Variants in ATF7IP observed in about 807,000 individuals in gnomAD.
ATF7IP encodes activating transcription factor 7-interacting protein 1.
ATF7IP carries 23 observed loss-of-function variants against 106.4 expected under a neutral mutation model. That is an observed-to-expected ratio of 0.22 (90% CI 0.16 to 0.31). The LOEUF is 0.31. ATF7IP is among the 10% of genes least tolerant of loss of function. ATF7IP has a pLI of 1.00. For missense variants in ATF7IP, 1,334 were observed against 1,524.3 expected (o/e 0.88, Z 2.08); for synonymous variants, 542 against 539.0 (o/e 1.01, Z -0.08).
chr12:14,426,637 G>C (rs1303673067), intron 2 of ATF7IP, among the ~76,000 whole-genome samples: 1 of 150,058 alleles, frequency 6.7e-6, no homozygotes, highest in Admixed American at 6.6e-5. Context: ...GACCAGCCTG[G>C]GCAACATGGT....
intron 5 of ATF7IP, among the ~76,000 whole-genome samples, chr12:14,440,602 G>A (rs944337331): frequency 2.0e-5 from 3 of 151,198 alleles, no homozygotes; most frequent in Non-Finnish European, 4.4e-5. Context: ...TCTTGTTCCA[G>A]TATTTTGTTT....
chr12:14,450,236 T>C (rs910884769), intron 6 of ATF7IP, among the ~76,000 whole-genome samples: 1 of 152,232 alleles, frequency 6.6e-6, no homozygotes, highest in African/African-American at 2.4e-5. Context: ...GCATGCTTGC[T>C]TAATTCCTGA....
At chr12:14,441,677 G>C (rs1396245280) in intron 5 of ATF7IP, among the ~76,000 whole-genome samples, 1 of 151,876 alleles carries the variant, frequency 6.6e-6, no homozygotes, top group Admixed American at 6.6e-5. Context: ...TTTTAGTAGA[G>C]ATGGGGTTTC....
chr12:14,454,969 A>G (rs1414713631), intron 6 of ATF7IP, among the ~76,000 whole-genome samples: 3 of 152,078 alleles, frequency 2.0e-5, no homozygotes, highest in African/African-American at 7.2e-5. Flanking sequence ...ACTTGAGTTC[A>G]GGAGTTCGAG....
intron 5 of ATF7IP, among the ~76,000 whole-genome samples, chr12:14,445,213 A>G (rs1436846606): frequency 6.6e-6 from 1 of 151,416 alleles, no homozygotes; most frequent in Non-Finnish European, 1.5e-5. Flanking sequence ...CTGGTCTTGA[A>G]CTCCAGACCT....
chr12:14,427,711 G>C (rs1941928705), intron 2 of ATF7IP, among the ~76,000 whole-genome samples: 1 of 152,096 alleles, frequency 6.6e-6, no homozygotes, highest in South Asian at 2.1e-4. Flanking sequence ...GCTGAGGCCA[G>C]AAACTTTGGA....
chr12:14,477,972 T>C (rs941465979), intron 11 of ATF7IP, among the ~76,000 whole-genome samples: 4 of 152,202 alleles, frequency 2.6e-5, no homozygotes. Context: ...TTTATAGATA[T>C]TTGTCTAGAA....
chr12:14,433,465 A>G (rs1475495651), intron 2 of ATF7IP, among the ~76,000 whole-genome samples: 1 of 152,110 alleles, frequency 6.6e-6, no homozygotes, highest in Non-Finnish European at 1.5e-5. Flanking sequence ...AGATTGCGCT[A>G]CTGTACACTA....
Position 14,424,775 on chromosome 12 carries a change from G to C in ATF7IP, c.860G>C (p.Arg287Pro), listed in dbSNP as rs148205796. Reference sequence around the variant, plus strand: ...CTGACTTCTGAATCAACCTTTGATCGTACCTTTGAACCAAAGTCTGTACCA... The same window carrying C: ...CTGACTTCTGAATCAACCTTTGATCCTACCTTTGAACCAAAGTCTGTACCA... ...DELTSESTFD[R>P]TFEPKSVPVC... The change falls in exon 2 of 15, where the codon CGT becomes CCT. Residue 287 changes from arginine to proline, a missense_variant. Physicochemically the swap from Arg to Pro is moderately radical, Grantham distance 103. Transcript: ENST00000261168. The C allele has an allele frequency of 6.2e-7, 1 of 1,613,860 alleles. No individual in the cohort carries two copies. Among genetic ancestry groups the C allele is most frequent in the Non-Finnish European group, 8.5e-7 (1 of 1,179,992 alleles).
At chr12:14,422,260 A>G (rs939431703) in intron 1 of ATF7IP, among the ~76,000 whole-genome samples, 1 of 151,896 alleles carries the variant, frequency 6.6e-6, no homozygotes, top group Non-Finnish European at 1.5e-5. Context: ...TCATACTTTA[A>G]TAAGTGAATA....
In ATF7IP at chr12:14,379,313, GC is replaced by G. The variant is rs1477502731; in HGVS notation, c.-8+13491del. Among the ~76,000 whole-genome samples the G allele has an allele frequency of 6.6e-5, 10 of 151,836 alleles. No homozygotes were observed. The East Asian group carries it at 1.7e-3, about 26-fold the overall frequency. Reference sequence around the variant, plus strand: ...TCCATCATGTTTGTAAATTTCCTGAGCCCCCACCCCAAGAACCCGAGCAGAT... The same window carrying G: ...TCCATCATGTTTGTAAATTTCCTGAGCCCCACCCCAAGAACCCGAGCAGAT... On this transcript the variant is annotated intron_variant, in intron 1 of 14. Coordinates refer to ENST00000261168, the MANE Select transcript of ATF7IP (RefSeq NM_018179.5).
intron 1 of ATF7IP, among the ~76,000 whole-genome samples, chr12:14,371,029 A>G (rs1186453450): frequency 6.6e-6 from 1 of 151,744 alleles, no homozygotes; most frequent in East Asian, 1.9e-4. Flanking sequence ...TTAAATTATT[A>G]TATTTTCTGA....
intron 1 of ATF7IP, among the ~76,000 whole-genome samples, chr12:14,407,577 A>G (rs1352272421): frequency 3.3e-5 from 5 of 152,164 alleles, no homozygotes; most frequent in Non-Finnish European, 7.4e-5. Context: ...GGAAAGGTAG[A>G]ATGATGAAAT....
At chr12:14,448,912 C>T (rs1943088624) in intron 6 of ATF7IP, among the ~76,000 whole-genome samples, 1 of 152,094 alleles carries the variant, frequency 6.6e-6, no homozygotes, top group African/African-American at 2.4e-5. Flanking sequence ...TGATGTTGAG[C>T]ATCTTTTCAT....
intron 13 of ATF7IP, among the ~76,000 whole-genome samples, chr12:14,490,029 C>T (rs1036685331): frequency 2.0e-5 from 3 of 152,206 alleles, no homozygotes; most frequent in African/African-American, 7.2e-5. Flanking sequence ...CATGCCCGAG[C>T]GAGGGCTCAG....
At chr12:14,452,377 T>C (rs1371602435) in intron 6 of ATF7IP, among the ~76,000 whole-genome samples, 2 of 152,170 alleles carry the variant, frequency 1.3e-5, no homozygotes, top group Admixed American at 6.5e-5. Flanking sequence ...ATTGTTGTCA[T>C]TTTGTTTTTT....
chr12:14,488,677 A>G (rs112755681), intron 13 of ATF7IP, among the ~76,000 whole-genome samples: 15,687 of 152,192 alleles, frequency 0.1, 993 homozygotes, highest in African/African-American at 0.18. Flanking sequence ...ACCTGAACCC[A>G]TATACATCTC....
intron 13 of ATF7IP, among the ~76,000 whole-genome samples, chr12:14,494,345 ATATG>A (rs1447599625): frequency 4.7e-5 from 5 of 106,108 alleles, no homozygotes; most frequent in East Asian, 2.8e-4. Flanking sequence ...GTGTGTGTGT[ATATG>A]TATATATACA....
At chr12:14,435,401 C>T (rs948255105) in intron 3 of ATF7IP, among the ~76,000 whole-genome samples, 3 of 152,106 alleles carry the variant, frequency 2.0e-5, no homozygotes, top group African/African-American at 7.2e-5. Flanking sequence ...GGCATGGTCA[C>T]ATAAGAGCAT....
Sources: allele counts gnomAD v4.1 joint callset (sites outside exome capture counted in the v4.1 genomes callset), GRCh38; gene constraint gnomAD v4.1.1; transcripts MANE v1.5; gene names NCBI Gene and HGNC (gene_info 2026-07-23, HGNC 2026-07-21).